The following CTDP1 variants were observed in gnomAD, a reference collection of about 807,000 sequenced individuals.
CTDP1 encodes RNA polymerase II subunit A C-terminal domain phosphatase.
CTDP1 carries 47 observed loss-of-function variants against 91.8 expected under a neutral mutation model. That is an observed-to-expected ratio of 0.51 (90% CI 0.41 to 0.65). The LOEUF (loss-of-function observed/expected upper bound fraction) is 0.65, where lower values mean the gene tolerates loss of function less well. Among genes scored for constraint, CTDP1 ranks in the 30% least tolerant of loss-of-function variants. CTDP1 has a pLI of 0.00. For synonymous variants in CTDP1, 656 were observed against 598.5 expected (o/e 1.10, Z -1.40); for missense variants, 1,272 against 1,373.7 (o/e 0.93, Z 1.17).
At chr18:79,733,072 TG>T (rs1379627581) in intron 11 of CTDP1, among the ~76,000 whole-genome samples, 1 of 152,238 alleles carries the variant, frequency 6.6e-6, no homozygotes, top group Non-Finnish European at 1.5e-5. Flanking sequence ...GCACTGTGCC[TG>T]GTGACTGTGT....
intron 1 of CTDP1, among the ~76,000 whole-genome samples, chr18:79,683,683 C>T (rs1452474562): frequency 2.6e-5 from 4 of 152,226 alleles, no homozygotes; most frequent in Non-Finnish European, 4.4e-5. Context: ...CTTGATGTGG[C>T]CACACAGTTT....
At chr18:79,752,177 C>T (rs980648981) in intron 12 of CTDP1, among the ~76,000 whole-genome samples, 10 of 152,242 alleles carry the variant, frequency 6.6e-5, no homozygotes, top group Non-Finnish European at 1.2e-4. Context: ...TGCAGCGGCT[C>T]CTAAGGAAAA....
intron 11 of CTDP1, among the ~76,000 whole-genome samples, chr18:79,733,750 C>T (rs1013796869): frequency 3.3e-5 from 5 of 152,166 alleles, no homozygotes; most frequent in Admixed American, 6.5e-5. Flanking sequence ...TGAAGCCGTC[C>T]CACCTCACTC....
At chr18:79,716,339 G>A (rs1169549701) in intron 8 of CTDP1, among the ~76,000 whole-genome samples, 4 of 152,144 alleles carry the variant, frequency 2.6e-5, no homozygotes, top group African/African-American at 9.7e-5. Flanking sequence ...TCTTATTTGA[G>A]GCCACGGCTC....
intron 12 of CTDP1, among the ~76,000 whole-genome samples, chr18:79,749,515 G>A (rs1416220813): frequency 4.0e-5 from 6 of 151,870 alleles, no homozygotes; most frequent in African/African-American, 7.3e-5. Context: ...CCGTGCACAC[G>A]AGATCCAGGC....
intron 1 of CTDP1, among the ~76,000 whole-genome samples, chr18:79,686,268 G>A (rs1423774993): frequency 6.6e-6 from 1 of 152,130 alleles, no homozygotes; most frequent in African/African-American, 2.4e-5. Flanking sequence ...TTTTAAAGTG[G>A]GTTATGTGAA....
chr18:79,740,942 C>T (rs778344199), intron 12 of CTDP1, among the ~76,000 whole-genome samples: 6 of 152,184 alleles, frequency 3.9e-5, no homozygotes, highest in Non-Finnish European at 7.3e-5. Flanking sequence ...AAAGAACAGG[C>T]GCCCAGGTGA....
intron 10 of CTDP1, among the ~76,000 whole-genome samples, chr18:79,728,168 C>T (rs561883091): frequency 1.3e-5 from 2 of 151,972 alleles, no homozygotes; most frequent in Non-Finnish European, 2.9e-5. Context: ...GGCGCAATCT[C>T]GGCTCACTGC....
intron 5 of CTDP1, among the ~76,000 whole-genome samples, chr18:79,706,773 T>C (rs1003137299): frequency 3.3e-5 from 5 of 152,258 alleles, no homozygotes; most frequent in Non-Finnish European, 5.9e-5. Context: ...GAGTGGTTCC[T>C]GACCCCCAGG....
rs1477853230 is a variant in CTDP1, at chr18:79,713,817, A to G, written c.1031-674A>G. Among the ~76,000 whole-genome samples the G allele has an allele frequency of 6.7e-6, 1 of 150,032 alleles. No homozygotes were observed. On this transcript the variant is annotated intron_variant, in intron 7 of 12. Transcript: ENST00000613122. The surrounding 1 kb of genome is among the most constrained non-coding windows in gnomAD (Gnocchi z 4.7). ...CTTCCTCCAGACCGTGGCTTGGGAA[A>G]CCGTGGCCATGGTGGTGCCAGGTCA... is the stretch of plus-strand genomic sequence containing the variant.
chr18:79,707,191 G>A (rs503615), intron 5 of CTDP1, among the ~76,000 whole-genome samples: 114,967 of 152,100 alleles, frequency 0.76, 43,753 homozygotes, highest in Middle Eastern at 0.79. Flanking sequence ...GGTTTTAGCC[G>A]GGCTACACCC....
intron 1 of CTDP1, 40 bp from the exon 2 acceptor site, chr18:79,695,185 A>G (rs1325258890): frequency 4.2e-5 from 67 of 1,585,288 alleles, no homozygotes; most frequent in Non-Finnish European, 5.7e-5. Context: ...TGATAAACCA[A>G]GAGATTTTAA....
At chr18:79,752,139 G>A (rs956979692) in intron 12 of CTDP1, among the ~76,000 whole-genome samples, 1 of 152,378 alleles carries the variant, frequency 6.6e-6, no homozygotes, top group Non-Finnish European at 1.5e-5. Context: ...CGATCAAGTC[G>A]GCTCACGTCA....
intron 11 of CTDP1, among the ~76,000 whole-genome samples, chr18:79,732,516 G>A (rs1225252348): frequency 3.0e-5 from 3 of 101,322 alleles, no homozygotes; most frequent in East Asian, 3.3e-4. Flanking sequence ...CCAAAATCAC[G>A]TGAGACATGA....
chr18:79,706,458 C>T (rs1484102536), intron 5 of CTDP1, among the ~76,000 whole-genome samples: 1 of 152,136 alleles, frequency 6.6e-6, no homozygotes, highest in Admixed American at 6.5e-5. Context: ...GACAACTGAG[C>T]GGGGCATCAC....
chr18:79,714,368 C>A, intron 7 of CTDP1, 123 bp from the exon 8 acceptor site: 2 of 1,152,760 alleles, frequency 1.7e-6, no homozygotes, highest in Non-Finnish European at 2.6e-6. Flanking sequence ...GCAAGGTTGC[C>A]AAGGCCTGGT....
intron 11 of CTDP1, 153 bp from the exon 12 acceptor site, chr18:79,736,202 G>A (rs1199202110): frequency 1.0e-6 from 1 of 982,140 alleles, no homozygotes; most frequent in African/African-American, 1.6e-5. Context: ...GATTGGTTGA[G>A]TTTCAAGCCC....
chr18:79,707,808 G>A (rs1405636127), intron 5 of CTDP1, among the ~76,000 whole-genome samples: 2 of 152,166 alleles, frequency 1.3e-5, no homozygotes, highest in Non-Finnish European at 2.9e-5. Flanking sequence ...AGTGAGGTCC[G>A]GACTGAAGCC....
At chr18:79,697,721 C>T in intron 3 of CTDP1, 139 bp from the exon 4 acceptor site, 1 of 1,296,742 alleles carries the variant, frequency 7.7e-7, no homozygotes, top group Non-Finnish European at 1.1e-6. Context: ...TGCCTCTCGG[C>T]CTGTACGGCG....
Sources: allele counts gnomAD v4.1 joint callset (sites outside exome capture counted in the v4.1 genomes callset), GRCh38; gene constraint gnomAD v4.1.1; non-coding constraint Gnocchi (gnomAD v3.1); transcripts MANE v1.5; gene names NCBI Gene and HGNC (gene_info 2026-07-23, HGNC 2026-07-21).